KCNH1: variants seen among roughly 807,000 people sequenced by gnomAD.
The protein encoded by KCNH1 is potassium voltage-gated channel subfamily H member 1.
A neutral mutation model predicts 69.2 loss-of-function variants in KCNH1; 27 were observed. The observed-to-expected ratio is 0.39, with a 90% CI of 0.29 to 0.54. KCNH1 has a LOEUF of 0.54. Ranked by LOEUF, KCNH1 falls within the 20% of genes least tolerant of loss-of-function variation. KCNH1 has a pLI of 0.68. For missense variants in KCNH1, 798 were observed against 1,261.6 expected, an observed-to-expected ratio of 0.63 and a Z score of 5.57; for synonymous variants, 456 against 487.7, an observed-to-expected ratio of 0.93 and a Z score of 0.86.
intron 10 of KCNH1, among the ~76,000 whole-genome samples, chr1:210,696,176 C>T (rs1049738205): frequency 3.9e-5 from 6 of 152,216 alleles, no homozygotes; most frequent in Non-Finnish European, 7.3e-5. Flanking sequence ...AGTAGCTACA[C>T]GTGCCTCTTC....
chr1:210,736,440 C>G (rs142738365), intron 10 of KCNH1, among the ~76,000 whole-genome samples: 1 of 151,932 alleles, frequency 6.6e-6, no homozygotes, highest in Non-Finnish European at 1.5e-5. Flanking sequence ...CCCAGCTAGT[C>G]AGAGGCTGAG....
chr1:211,090,812 A>C (rs1691038495), intron 3 of KCNH1, 122 bp from the exon 4 acceptor site: 1 of 896,552 alleles, frequency 1.1e-6, no homozygotes, highest in Non-Finnish European at 1.6e-6. Flanking sequence ...TCTTATTAAT[A>C]CTTCAAGTGC....
intron 10 of KCNH1, among the ~76,000 whole-genome samples, chr1:210,765,287 AC>A (rs1683605063): frequency 6.6e-6 from 1 of 152,138 alleles, no homozygotes; most frequent in Non-Finnish European, 1.5e-5. Flanking sequence ...ACTATCTACT[AC>A]TGGGTAGTAT....
chr1:210,944,101 C>T (rs1464529207), intron 6 of KCNH1, among the ~76,000 whole-genome samples: 2 of 152,212 alleles, frequency 1.3e-5, no homozygotes, highest in African/African-American at 4.8e-5. Context: ...AAGAAACTAA[C>T]TCCAAAGTCA....
intron 6 of KCNH1, among the ~76,000 whole-genome samples, chr1:210,996,645 C>T (rs887694759): frequency 3.3e-5 from 5 of 152,194 alleles, no homozygotes; most frequent in Admixed American, 6.5e-5. Flanking sequence ...AGTGGTTCTC[C>T]CAGCACGCAG....
intron 1 of KCNH1, among the ~76,000 whole-genome samples, chr1:211,125,437 C>A (rs1691760775): frequency 6.6e-6 from 1 of 152,128 alleles, no homozygotes; most frequent in Non-Finnish European, 1.5e-5. Context: ...GAAAAGAAAG[C>A]AAATAAAATA....
At chr1:210,868,763 G>A (rs1303618688) in intron 7 of KCNH1, among the ~76,000 whole-genome samples, 1 of 151,808 alleles carries the variant, frequency 6.6e-6, no homozygotes, top group Non-Finnish European at 1.5e-5. Flanking sequence ...CCACTAATCT[G>A]TTTTCCCTTT....
chr1:210,965,872 G>GA (rs1322159307), intron 6 of KCNH1, among the ~76,000 whole-genome samples: 7 of 151,500 alleles, frequency 4.6e-5, no homozygotes, highest in African/African-American at 7.3e-5. Context: ...CACAGAATTA[G>GA]AAAAAAACTA....
rs532161377 is a variant in KCNH1, at chr1:210,874,521, A to T, written c.1462+45119T>A. Among the ~76,000 whole-genome samples the T allele has an allele frequency of 5.3e-5, 8 of 151,974 alleles. No individual in the cohort carries two copies. The South Asian group carries it at 1.5e-3, about 28-fold the overall frequency. On this transcript the variant is annotated intron_variant, in intron 7 of 10. Transcript: ENST00000271751. The stretch of plus-strand genomic sequence containing the variant: ...AGGTCTCATGGAAACATGAACAGGG[A>T]TATTCATCACAGCACTATTCACAAA...
chr1:210,854,739 T>TA (rs1344400791), intron 7 of KCNH1, among the ~76,000 whole-genome samples: 2 of 152,200 alleles, frequency 1.3e-5, no homozygotes, highest in Non-Finnish European at 2.9e-5. Flanking sequence ...TTTTAGGATA[T>TA]GGTCTTGACC....
chr1:210,965,211 C>T (rs1237534334), intron 6 of KCNH1, among the ~76,000 whole-genome samples: 1 of 152,030 alleles, frequency 6.6e-6, no homozygotes, highest in Non-Finnish European at 1.5e-5. Flanking sequence ...GCCCTCTCTC[C>T]ACCACTCCTA....
At chr1:210,931,884 AAGG>A (rs1687686934) in intron 6 of KCNH1, among the ~76,000 whole-genome samples, 1 of 151,712 alleles carries the variant, frequency 6.6e-6, no homozygotes, top group African/African-American at 2.4e-5. Flanking sequence ...AGACTAGTTC[AAGG>A]AGAAGAAACA....
chr1:210,683,809 T>C lies in KCNH1; in HGVS notation c.2442A>G (p.Leu814=). 5 of 1,613,842 alleles carry C rather than the reference T, an allele frequency of 3.1e-6. No homozygotes were observed. Among genetic ancestry groups the C allele is most frequent in the Non-Finnish European group, 4.2e-6 (5 of 1,180,022 alleles). ...STSGVPDHAK[L]QAPGSECLGP... is the part of the protein sequence containing the mutation. ...CCAGGCACTCGGACCCTGGCGCCTG[T>C]AGCTTTGCGTGGTCTGGCACCCCGG... Residue 814 remains leucine, a synonymous_variant, in exon 11 of 11, where the codon CTA becomes CTG. Transcript: ENST00000271751. The surrounding 1 kb of genome is among the most constrained non-coding windows in gnomAD (Gnocchi z 5.7).
chr1:211,082,606 G>T (rs1690877971), intron 5 of KCNH1, among the ~76,000 whole-genome samples, 174 bp downstream of exon 5: 1 of 152,174 alleles, frequency 6.6e-6, no homozygotes. Context: ...AAAGCTCAAA[G>T]GAGTTAGGTC....
At chr1:210,865,038 C>A (rs1238422492) in intron 7 of KCNH1, among the ~76,000 whole-genome samples, 1 of 152,228 alleles carries the variant, frequency 6.6e-6, no homozygotes, top group Non-Finnish European at 1.5e-5. Flanking sequence ...ATGACTTAGC[C>A]TATCACTATA....
At chr1:211,028,116 T>C (rs11119665) in intron 5 of KCNH1, among the ~76,000 whole-genome samples, 8,299 of 151,998 alleles carry the variant, frequency 0.055, 734 homozygotes, top group African/African-American at 0.19. Flanking sequence ...AATACAACAA[T>C]TAAAATCACC....
chr1:210,821,785 C>G (rs1339243822), intron 7 of KCNH1, among the ~76,000 whole-genome samples: 1 of 151,490 alleles, frequency 6.6e-6, no homozygotes, highest in Non-Finnish European at 1.5e-5. Flanking sequence ...CCACTTGGTC[C>G]AATAGATTAA....
At chr1:210,717,434 C>A (rs1180329686) in intron 10 of KCNH1, among the ~76,000 whole-genome samples, 3 of 152,208 alleles carry the variant, frequency 2.0e-5, no homozygotes, top group African/African-American at 7.2e-5. Flanking sequence ...GAGACAAGTC[C>A]TGCTCTAAGG....
At chr1:211,046,287 T>C (rs1023361262) in intron 5 of KCNH1, among the ~76,000 whole-genome samples, 2 of 152,198 alleles carry the variant, frequency 1.3e-5, no homozygotes, top group African/African-American at 4.8e-5. Flanking sequence ...ATAATCATGA[T>C]ATAGACAAGA....
Sources: allele counts gnomAD v4.1 joint callset (sites outside exome capture counted in the v4.1 genomes callset), GRCh38; gene constraint gnomAD v4.1.1; non-coding constraint Gnocchi (gnomAD v3.1); transcripts MANE v1.5; gene names NCBI Gene and HGNC (gene_info 2026-07-23, HGNC 2026-07-21).